Variants in GRID2 observed in about 807,000 individuals in gnomAD.
GRID2 encodes the protein glutamate ionotropic receptor delta type subunit 2.
In GRID2, 33 loss-of-function variants were observed where a neutral mutation model predicts 114.8. The ratio of observed to expected loss-of-function variants is 0.29; its 90% CI spans 0.22 to 0.38. The LOEUF (loss-of-function observed/expected upper bound fraction) is 0.38. GRID2 is among the 10% of genes least tolerant of loss of function. The pLI, the probability that GRID2 is intolerant of heterozygous loss-of-function variation, is 1.00. For synonymous variants in GRID2, 505 were observed against 449.9 expected (o/e 1.12, Z -1.55); for missense variants, 1,184 against 1,257.7 (o/e 0.94, Z 0.89).
chr4:93,043,514 A>G (rs1725804126), intron 2 of GRID2, among the ~76,000 whole-genome samples: 1 of 152,202 alleles, frequency 6.6e-6, no homozygotes. Context: ...AAGGAGAAAT[A>G]CAAATTCATC....
intron 9 of GRID2, among the ~76,000 whole-genome samples, chr4:93,411,951 A>G (rs892342444): frequency 9.3e-5 from 14 of 150,826 alleles, no homozygotes; most frequent in African/African-American, 3.0e-4. Flanking sequence ...TAAAAAAAAA[A>G]AAAGAAAAAA....
intron 2 of GRID2, among the ~76,000 whole-genome samples, chr4:92,899,502 T>C (rs1027140955): frequency 1.3e-4 from 20 of 152,172 alleles, no homozygotes; most frequent in African/African-American, 4.8e-4. Flanking sequence ...ACCCTGTGCA[T>C]TCTAGTTATT....
At position 93,769,238 on chromosome 4, in the gene GRID2, A is replaced by G; in HGVS notation, c.2389A>G (p.Met797Val). The G allele has an allele frequency of 6.2e-7, 1 of 1,613,856 alleles. No homozygotes were observed. Among genetic ancestry groups the G allele is most frequent in the Non-Finnish European group, 8.5e-7 (1 of 1,179,720 alleles). Residue 797 changes from methionine to valine, a missense_variant, in exon 15 of 16, where the codon ATG becomes GTG. Met to Val is a conservative substitution (Grantham distance 21, BLOSUM62 1). Coordinates refer to ENST00000282020, the MANE Select transcript of GRID2 (RefSeq NM_001510.4). ...CCTGGAGCTTCAGCAGAATGGTGAC[A>G]TGGACATCCTGAAGCACAAATGGTG... ...RILELQQNGD[M>V]DILKHKWWPK...
At chr4:92,378,984 T>G (rs981907234) in intron 1 of GRID2, among the ~76,000 whole-genome samples, 1 of 151,932 alleles carries the variant, frequency 6.6e-6, no homozygotes, top group African/African-American at 2.4e-5. Context: ...ATTTAATAAT[T>G]AAGTTTATCA....
intron 8 of GRID2, among the ~76,000 whole-genome samples, chr4:93,364,255 G>A (rs187842444): frequency 2.8e-4 from 42 of 152,116 alleles, no homozygotes; most frequent in Admixed American, 1.4e-3. Flanking sequence ...TTAGACACAT[G>A]TGGAAAAATT....
chr4:93,606,362 G>A (rs1174987060), intron 13 of GRID2, among the ~76,000 whole-genome samples: 1 of 152,062 alleles, frequency 6.6e-6, no homozygotes, highest in Non-Finnish European at 1.5e-5. Context: ...AGAACCAAGG[G>A]CAAGAAATAA....
intron 1 of GRID2, among the ~76,000 whole-genome samples, chr4:92,413,016 A>G (rs1345178939): frequency 6.6e-6 from 1 of 152,174 alleles, no homozygotes; most frequent in Admixed American, 6.6e-5. Flanking sequence ...TGTTTATTAC[A>G]TTGTACTGTA....
chr4:93,104,943 G>A lies in GRID2; in HGVS notation c.530-5805G>A, dbSNP rs866559011. 4.0e-3 allele frequency among the ~76,000 whole-genome samples: 605 copies of A among 151,512 alleles called. 8 individuals are homozygous for A. The highest frequency in any genetic ancestry group is 0.012 in the African/African-American group (500 of 41,258). ...CCACCAACAGTGTAAAAGTGTTCCTGTTTCTCCACATCCTCTCCAGCACCT... is the reference window on the plus strand; with the variant it reads ...CCACCAACAGTGTAAAAGTGTTCCTATTTCTCCACATCCTCTCCAGCACCT... On this transcript the variant is annotated intron_variant, in intron 3 of 15. Coordinates refer to ENST00000282020, the MANE Select transcript of GRID2 (RefSeq NM_001510.4).
intron 8 of GRID2, among the ~76,000 whole-genome samples, chr4:93,337,158 G>A (rs967741116): frequency 1.6e-4 from 24 of 152,146 alleles, no homozygotes; most frequent in African/African-American, 5.8e-4. Context: ...TATGTTGCCT[G>A]AGATAAACAC....
chr4:92,824,369 T>C (rs1230422104), intron 2 of GRID2, among the ~76,000 whole-genome samples: 1 of 152,112 alleles, frequency 6.6e-6, no homozygotes, highest in South Asian at 2.1e-4. Context: ...CCCATTTCTT[T>C]TGTTTGTTTG....
chr4:92,965,489 A>C (rs960521885), intron 2 of GRID2, among the ~76,000 whole-genome samples: 9 of 131,218 alleles, frequency 6.9e-5, no homozygotes, highest in East Asian at 2.6e-4. Flanking sequence ...AAAAAAAAAA[A>C]CACACAACAT....
intron 1 of GRID2, among the ~76,000 whole-genome samples, chr4:92,321,084 A>G (rs1726289548): frequency 6.6e-6 from 1 of 152,206 alleles, no homozygotes; most frequent in African/African-American, 2.4e-5. Flanking sequence ...AATATGTTTT[A>G]TAGAATTTTG....
intron 1 of GRID2, among the ~76,000 whole-genome samples, chr4:93,802,949 G>A (rs116621969): frequency 0.012 from 1,795 of 152,284 alleles, 22 homozygotes; most frequent in South Asian, 0.033. Context: ...GATCGTAAGC[G>A]CATTTAGGTG....
At position 92,458,625 on chromosome 4, in the gene GRID2, A is replaced by C. The variant is rs191602886; in HGVS notation, c.89-131506A>C. ...ACAACAAATTTAAAATTCTAGATTA[A>C]ATCACTTCTGGGTTTCATATAGCAA... On this transcript the variant is annotated intron_variant, in intron 1 of 15. Coordinates refer to ENST00000282020, the MANE Select transcript of GRID2 (RefSeq NM_001510.4). Among the ~76,000 whole-genome samples the C allele has an allele frequency of 2.9e-3, 445 of 152,276 alleles. 4 individuals carry two copies. Among genetic ancestry groups the C allele is most frequent in the African/African-American group, 9.8e-3 (408 of 41,552 alleles).
At chr4:93,443,608 C>T (rs979816250) in intron 10 of GRID2, among the ~76,000 whole-genome samples, 5 of 151,764 alleles carry the variant, frequency 3.3e-5, no homozygotes, top group South Asian at 2.1e-4. Flanking sequence ...TTGGCCTCAG[C>T]GAAAGGAAAG....
At chr4:93,197,842 C>G (rs1479622210) in intron 4 of GRID2, among the ~76,000 whole-genome samples, 1 of 152,102 alleles carries the variant, frequency 6.6e-6, no homozygotes, top group Non-Finnish European at 1.5e-5. Context: ...AGATAGTCTC[C>G]AAGTCCTGAG....
chr4:92,442,113 G>A (rs1416979356), intron 1 of GRID2, among the ~76,000 whole-genome samples: 1 of 135,368 alleles, frequency 7.4e-6, no homozygotes, highest in Non-Finnish European at 1.7e-5. Flanking sequence ...TGTGGAGTGG[G>A]TGCCTCCATA....
At chr4:93,130,855 G>A (rs1178002485) in intron 4 of GRID2, among the ~76,000 whole-genome samples, 4 of 152,088 alleles carry the variant, frequency 2.6e-5, no homozygotes, top group African/African-American at 9.7e-5. Flanking sequence ...GATTTTGAGA[G>A]TTGTAGACAT....
intron 2 of GRID2, among the ~76,000 whole-genome samples, chr4:93,022,438 A>G (rs1369409084): frequency 1.3e-5 from 2 of 151,916 alleles, no homozygotes; most frequent in African/African-American, 2.4e-5. Context: ...GTATACATTT[A>G]AATTTTTTCA....
Sources: allele counts gnomAD v4.1 joint callset (sites outside exome capture counted in the v4.1 genomes callset), GRCh38; gene constraint gnomAD v4.1.1; transcripts MANE v1.5; gene names NCBI Gene and HGNC (gene_info 2026-07-23, HGNC 2026-07-21).